SOX5: variants seen among roughly 807,000 people sequenced by gnomAD.
SOX5 encodes the protein transcription factor SOX-5.
Under a neutral mutation model 92.0 loss-of-function variants are expected in SOX5, and 9 were observed. The ratio of observed to expected loss-of-function variants is 0.10; its 90% CI spans 0.06 to 0.17. SOX5 has a LOEUF of 0.17. SOX5 is among the 10% of genes least tolerant of loss of function. The pLI is 1.00. For missense variants in SOX5, 642 were observed against 944.5 expected (o/e 0.68, Z 4.20); for synonymous variants, 344 against 336.3 (o/e 1.02, Z -0.25).
intron 7 of SOX5, among the ~76,000 whole-genome samples, chr12:23,661,450 C>G (rs552517136): frequency 6.6e-6 from 1 of 152,110 alleles, no homozygotes; most frequent in East Asian, 1.9e-4. Context: ...AACCTTATAT[C>G]CATCAACCAC....
intron 6 of SOX5, among the ~76,000 whole-genome samples, chr12:23,680,256 G>A (rs1319416896): frequency 6.7e-6 from 1 of 149,100 alleles, no homozygotes; most frequent in Non-Finnish European, 1.5e-5. Flanking sequence ...AACCCAGGAG[G>A]TGGAGGCTGC....
chr12:23,850,550 T>C (rs2096622449), intron 2 of SOX5, among the ~76,000 whole-genome samples: 1 of 151,806 alleles, frequency 6.6e-6, no homozygotes, highest in African/African-American at 2.4e-5. Context: ...GGCTATTCCT[T>C]AAATTCCATC....
intron 8 of SOX5, among the ~76,000 whole-genome samples, chr12:23,633,054 A>G (rs1224534985): frequency 6.6e-6 from 1 of 152,142 alleles, no homozygotes; most frequent in Non-Finnish European, 1.5e-5. Context: ...AAGAATTTCA[A>G]TCTTTTTTTC....
chr12:23,572,878 A>C lies in SOX5; in HGVS notation c.1342+2783T>G, dbSNP rs999400259. 2.0e-5 allele frequency among the ~76,000 whole-genome samples: 3 copies of C among 152,168 alleles called. No homozygotes were observed. In the East Asian group the frequency reaches 5.8e-4, roughly 29 times the overall value. On this transcript the variant is annotated intron_variant, in intron 10 of 14. Coordinates refer to ENST00000451604, the MANE Select transcript of SOX5 (RefSeq NM_006940.6). ...CAAACTTCTCAAAGCTTCAGTTTTC[A>C]CTGTTCCTCTTTTCACTGTGGCCCC...
chr12:24,298,783 C>A lies in SOX5; in HGVS notation c.-173-21471G>T, dbSNP rs867365842. 9.6e-3 allele frequency among the ~76,000 whole-genome samples: 928 copies of A among 96,396 alleles called. 1 individual carries two copies. The highest frequency in any genetic ancestry group is 0.011 in the South Asian group (29 of 2,550). The allele number at this position is 96,396 out of a possible 152,430, so 63.2% of individuals were successfully genotyped here. A position where few individuals can be genotyped will look rare whatever the true frequency, so the allele number is the denominator to read the frequency against. On this transcript the variant is annotated intron_variant, in intron 2 of 4. Coordinates refer to the SOX5 transcript ENST00000446891. ...ATTCTAATTCTGATCCCAGAGTAGT[C>A]AAAAAAAAAAAAAAAAACTACATTT...
At position 24,212,232 on chromosome 12, in the gene SOX5, T is replaced by C. The variant is rs1006048872; in HGVS notation, c.-2+1111A>G. On this transcript the variant is annotated intron_variant, in intron 4 of 4. Transcript: ENST00000446891. ...AGTGTTCTCTCAAGGTACATGCCAA[T>C]AAAAATGTGTCCAATCCCTAATGTC... Among the ~76,000 whole-genome samples the C allele has an allele frequency of 1.1e-4, 16 of 152,196 alleles. No homozygotes were observed. In the South Asian group the frequency reaches 1.9e-3, roughly 18 times the overall value.
At chr12:24,358,832 G>A (rs929666675) in intron 2 of SOX5, among the ~76,000 whole-genome samples, 5 of 152,046 alleles carry the variant, frequency 3.3e-5, no homozygotes, top group East Asian at 1.9e-4. Context: ...ATTTTGCTTC[G>A]TCAAACATTA....
At chr12:24,325,165 A>C (rs944628588) in intron 2 of SOX5, among the ~76,000 whole-genome samples, 67 of 151,990 alleles carry the variant, frequency 4.4e-4, no homozygotes, top group African/African-American at 1.6e-3. Flanking sequence ...TAAAAAAAAA[A>C]CCCTAAAAAA....
intron 8 of SOX5, among the ~76,000 whole-genome samples, chr12:23,633,662 A>G (rs1479744010): frequency 1.3e-5 from 2 of 152,112 alleles, no homozygotes; most frequent in African/African-American, 4.8e-5. Context: ...AACTCAGTGT[A>G]TGGAGCTGCT....
intron 1 of SOX5, among the ~76,000 whole-genome samples, chr12:24,509,859 C>G (rs1159401261): frequency 2.0e-5 from 3 of 152,200 alleles, no homozygotes; most frequent in Non-Finnish European, 4.4e-5. Flanking sequence ...TAATTTCAGA[C>G]AGATCACAGT....
intron 1 of SOX5, among the ~76,000 whole-genome samples, chr12:24,464,392 G>A (rs970649328): frequency 6.6e-6 from 1 of 150,836 alleles, no homozygotes; most frequent in Non-Finnish European, 1.5e-5. Context: ...GCACGATCTC[G>A]GCTCACTGCA....
In SOX5 at chr12:23,642,854, G is replaced by A. The variant is rs1462386632; in HGVS notation, c.932-1957C>T. ...TGTAATCCCAGCACTTTGGGAGGCC[G>A]AGGCGGGCGGATCACGAGGTCAGGA... On this transcript the variant is annotated intron_variant, in intron 7 of 14. Transcript: ENST00000451604. 1.2e-4 allele frequency among the ~76,000 whole-genome samples: 13 copies of A among 111,318 alleles called. 2 individuals carry two copies. In the East Asian group the frequency reaches 2.1e-3, roughly 18 times the overall value. 73.0% of individuals were successfully genotyped at this position (111,318 alleles called of 152,430 possible).
At chr12:24,317,068 A>G (rs985474485) in intron 2 of SOX5, among the ~76,000 whole-genome samples, 4 of 152,182 alleles carry the variant, frequency 2.6e-5, no homozygotes, top group African/African-American at 4.8e-5. Context: ...TACAACCTCA[A>G]TGTGTCATGG....
At chr12:24,343,879 A>G (rs1952873929) in intron 2 of SOX5, among the ~76,000 whole-genome samples, 2 of 152,186 alleles carry the variant, frequency 1.3e-5, no homozygotes. Flanking sequence ...GTAAGTTGTG[A>G]TAATTGTTAA....
chr12:23,784,422 G>T (rs1393929151), intron 3 of SOX5, among the ~76,000 whole-genome samples: 1 of 152,164 alleles, frequency 6.6e-6, no homozygotes, highest in Admixed American at 6.5e-5. Flanking sequence ...CGCCTCCCGG[G>T]TTCACGCCAT....
chr12:24,000,076 A>G (rs1423978993), intron 4 of SOX5, among the ~76,000 whole-genome samples: 1 of 151,434 alleles, frequency 6.6e-6, no homozygotes, highest in Non-Finnish European at 1.5e-5. Flanking sequence ...TGTCTTATAC[A>G]TGCATGTTGT....
intron 1 of SOX5, among the ~76,000 whole-genome samples, chr12:24,400,979 A>G (rs1961393079): frequency 6.6e-6 from 1 of 152,194 alleles, no homozygotes; most frequent in South Asian, 2.1e-4. Flanking sequence ...CTTACAATCA[A>G]TTTGGTGACA....
intron 2 of SOX5, among the ~76,000 whole-genome samples, chr12:24,344,764 C>A (rs763817030): frequency 1.3e-5 from 2 of 152,108 alleles, no homozygotes; most frequent in Non-Finnish European, 2.9e-5. Flanking sequence ...AAGCTTCAGA[C>A]AGAAATACGA....
intron 2 of SOX5, among the ~76,000 whole-genome samples, chr12:24,341,565 G>C (rs1952579477): frequency 6.6e-6 from 1 of 152,226 alleles, no homozygotes; most frequent in African/African-American, 2.4e-5. Context: ...AGATATGCCT[G>C]TAAATAATGG....
Sources: gnomAD v4.1 joint callset for allele counts (sites outside exome capture counted in the v4.1 genomes callset) on GRCh38, gnomAD v4.1.1 for gene constraint, MANE v1.5 for transcripts, NCBI Gene and HGNC (gene_info 2026-07-23, HGNC 2026-07-21) for gene names.